The following JAZF1 variants were observed in gnomAD, a reference collection of about 807,000 sequenced individuals.
JAZF1 encodes the protein juxtaposed with another zinc finger protein 1.
A neutral mutation model predicts 26.4 loss-of-function variants in JAZF1; 8 were observed. The observed-to-expected ratio is 0.30, with a 90% CI of 0.18 to 0.55. The LOEUF (loss-of-function observed/expected upper bound fraction) is 0.55. Ranked by LOEUF, JAZF1 falls within the 20% of genes least tolerant of loss-of-function variation. The pLI, the probability that JAZF1 is intolerant of heterozygous loss-of-function variation, is 0.94. For synonymous variants in JAZF1, 126 were observed against 122.3 expected, an observed-to-expected ratio of 1.03 and a Z score of -0.20; for missense variants, 199 against 322.0, an observed-to-expected ratio of 0.62 and a Z score of 2.92.
intron 1 of JAZF1, among the ~76,000 whole-genome samples, chr7:28,154,891 A>T (rs1368275480): frequency 6.6e-6 from 1 of 152,150 alleles, no homozygotes; most frequent in African/African-American, 2.4e-5. Context: ...AAAAACAATT[A>T]TATTCAAAAT....
intron 3 of JAZF1, among the ~76,000 whole-genome samples, chr7:27,847,143 CT>C (rs1422638251): frequency 1.4e-5 from 1 of 70,652 alleles, no homozygotes; most frequent in Non-Finnish European, 3.5e-5. Context: ...CCCCGCCTGG[CT>C]TTTTTTCTTT....
intron 3 of JAZF1, among the ~76,000 whole-genome samples, chr7:27,853,293 G>A (rs1783185471): frequency 6.6e-6 from 1 of 152,144 alleles, no homozygotes; most frequent in African/African-American, 2.4e-5. Context: ...ACATTGATGA[G>A]AAAAACTGAT....
At chr7:28,137,145 C>T (rs1346607475) in intron 1 of JAZF1, among the ~76,000 whole-genome samples, 1 of 152,204 alleles carries the variant, frequency 6.6e-6, no homozygotes, top group Non-Finnish European at 1.5e-5. Context: ...GGGACTGAGA[C>T]TCAGAACCTC....
intron 3 of JAZF1, among the ~76,000 whole-genome samples, chr7:27,878,051 G>T (rs186487609): frequency 2.6e-3 from 391 of 152,302 alleles, no homozygotes; most frequent in African/African-American, 9.1e-3. Flanking sequence ...TGCCGAGTCT[G>T]CAAGTGTTCC....
intron 4 of JAZF1, among the ~76,000 whole-genome samples, chr7:27,836,092 A>C (rs1782807268): frequency 1.3e-5 from 2 of 152,210 alleles, no homozygotes; most frequent in South Asian, 4.1e-4. Context: ...AGGGATGTCC[A>C]ATCCATAGTC....
intron 1 of JAZF1, among the ~76,000 whole-genome samples, chr7:28,029,401 G>A (rs1783147739): frequency 6.6e-6 from 1 of 152,184 alleles, no homozygotes; most frequent in Non-Finnish European, 1.5e-5. Context: ...GTAAGGAATT[G>A]CTAACAGATG....
rs376075179 is a variant in JAZF1, at chr7:28,137,508, G to A, written c.115+42955C>T. 8.5e-5 allele frequency among the ~76,000 whole-genome samples: 13 copies of A among 152,158 alleles called. No homozygotes were observed. The East Asian group carries it at 1.7e-3, about 20-fold the overall frequency. On this transcript the variant is annotated intron_variant, in intron 1 of 4. Coordinates refer to ENST00000283928, the MANE Select transcript of JAZF1 (RefSeq NM_175061.4). ...TAGCAAATCAGAATGCCCTTTTCCA[G>A]TTCCCCACCCAGGTCTCCTTAACAG...
At chr7:28,170,817 A>G (rs1783456767) in intron 1 of JAZF1, among the ~76,000 whole-genome samples, 2 of 152,172 alleles carry the variant, frequency 1.3e-5, no homozygotes. Flanking sequence ...TTAGGCTGTA[A>G]AGAGCAAGCA....
chr7:27,972,855 A>G (rs1785398475), intron 2 of JAZF1, among the ~76,000 whole-genome samples: 1 of 151,952 alleles, frequency 6.6e-6, no homozygotes, highest in Admixed American at 6.6e-5. Flanking sequence ...ATATATATAT[A>G]CACACACATA....
intron 3 of JAZF1, among the ~76,000 whole-genome samples, chr7:27,886,921 T>TA (rs1414682489): frequency 6.6e-6 from 1 of 152,104 alleles, no homozygotes; most frequent in Non-Finnish European, 1.5e-5. Context: ...TATGCAGCCA[T>TA]AAAAAAGAAT....
At chr7:28,146,008 A>G (rs1783022377) in intron 1 of JAZF1, among the ~76,000 whole-genome samples, 1 of 151,884 alleles carries the variant, frequency 6.6e-6, no homozygotes, top group African/African-American at 2.4e-5. Context: ...TCAATTTTCT[A>G]CTCTTCCTAG....
At position 27,895,285 on chromosome 7, in the gene JAZF1, C is replaced by G; in HGVS notation, c.320G>C (p.Ser107Thr). ...GGGTGGGGTCACGGGGGGAGTAAGG[C>G]TTCCACTGCTGTGGCGTGGGGGAGT... ...VSTPPRHSSG[S>T]LTPPVTPPIT... The change falls in exon 3 of 5, where the codon AGC becomes ACC. Residue 107 changes from serine to threonine, a missense_variant. Ser to Thr is a moderately conservative substitution (Grantham distance 58, BLOSUM62 1). Coordinates refer to ENST00000283928, the MANE Select transcript of JAZF1 (RefSeq NM_175061.4). 6.2e-7 allele frequency: 1 copy of G among 1,609,402 alleles called. No homozygotes were observed. Among genetic ancestry groups the G allele is most frequent in the Non-Finnish European group, 8.5e-7 (1 of 1,177,732 alleles).
At chr7:27,876,143 C>T (rs544228259) in intron 3 of JAZF1, among the ~76,000 whole-genome samples, 23 of 152,308 alleles carry the variant, frequency 1.5e-4, no homozygotes, top group African/African-American at 4.8e-4. Flanking sequence ...TGGGTGTCCC[C>T]GCATGGTAAC....
intron 1 of JAZF1, among the ~76,000 whole-genome samples, chr7:28,176,771 G>C (rs1783557193): frequency 6.6e-6 from 1 of 152,084 alleles, no homozygotes; most frequent in Non-Finnish European, 1.5e-5. Flanking sequence ...AATCAAATAA[G>C]AATGATTCAA....
chr7:27,940,277 C>G (rs2128352151), intron 2 of JAZF1, among the ~76,000 whole-genome samples: 1 of 108,656 alleles, frequency 9.2e-6, no homozygotes. Flanking sequence ...TTCACAGGGC[C>G]GGGTCACGGC....
chr7:28,058,424 C>T (rs572293032), intron 1 of JAZF1, among the ~76,000 whole-genome samples: 19 of 152,150 alleles, frequency 1.2e-4, no homozygotes, highest in Non-Finnish European at 2.6e-4. Flanking sequence ...TCCCATCTCA[C>T]CCTGAAGCAT....
At chr7:27,898,309 C>CA (rs1784106363) in intron 2 of JAZF1, among the ~76,000 whole-genome samples, 3 of 13,756 alleles carry the variant, frequency 2.2e-4, no homozygotes, top group Non-Finnish European at 4.8e-4. Context: ...ATATATACAT[C>CA]GGTTTTTTTT....
chr7:27,890,070 G>A (rs760888994), intron 3 of JAZF1, among the ~76,000 whole-genome samples: 6 of 152,138 alleles, frequency 3.9e-5, no homozygotes, highest in Non-Finnish European at 5.9e-5. Flanking sequence ...ATTGGTGATT[G>A]ACTTTAGGTT....
At chr7:28,109,878 C>G (rs1255623242) in intron 1 of JAZF1, among the ~76,000 whole-genome samples, 1 of 152,106 alleles carries the variant, frequency 6.6e-6, no homozygotes, top group African/African-American at 2.4e-5. Context: ...AAGAGATGGG[C>G]ATATGAAGAC....
Sources: gnomAD v4.1 joint callset for allele counts (sites outside exome capture counted in the v4.1 genomes callset) on GRCh38, gnomAD v4.1.1 for gene constraint, MANE v1.5 for transcripts, NCBI Gene and HGNC (gene_info 2026-07-23, HGNC 2026-07-21) for gene names.